KCNIP1: variants seen among roughly 807,000 people sequenced by gnomAD.
KCNIP1 encodes potassium voltage-gated channel interacting protein 1, also known as A-type potassium channel modulatory protein KCNIP1.
A neutral mutation model predicts 33.0 loss-of-function variants in KCNIP1; 18 were observed. The observed-to-expected ratio is 0.55, with a 90% confidence interval of 0.38 to 0.81. KCNIP1 has a LOEUF of 0.81. Among genes scored for constraint, KCNIP1 ranks in the 30% least tolerant of loss-of-function variants. The pLI is 0.00. For missense variants in KCNIP1, 238 were observed against 271.6 expected (o/e 0.88, Z 0.87); for synonymous variants, 93 against 98.3 (o/e 0.95, Z 0.32).
intron 1 of KCNIP1, among the ~76,000 whole-genome samples, chr5:170,615,978 G>A (rs1581401326): frequency 6.6e-6 from 1 of 152,168 alleles, no homozygotes; most frequent in East Asian, 1.9e-4. Flanking sequence ...CTTGGAAGAG[G>A]CAGGACTGAG....
At chr5:170,445,191 T>C (rs945209162) in intron 1 of KCNIP1, among the ~76,000 whole-genome samples, 2 of 152,128 alleles carry the variant, frequency 1.3e-5, no homozygotes, top group African/African-American at 4.8e-5. Flanking sequence ...GGTTTTATAA[T>C]CACATGAGCA....
chr5:170,525,289 C>G (rs1349276513), intron 1 of KCNIP1, among the ~76,000 whole-genome samples: 1 of 152,216 alleles, frequency 6.6e-6, no homozygotes, highest in South Asian at 2.1e-4. Flanking sequence ...CTTAGTAGCC[C>G]TTGGTGACTT....
chr5:170,576,723 C>T (rs907545270), intron 1 of KCNIP1, among the ~76,000 whole-genome samples: 35 of 152,132 alleles, frequency 2.3e-4, no homozygotes, highest in African/African-American at 8.2e-4. Flanking sequence ...TAAAAATTAA[C>T]CTGGTACCTG....
chr5:170,607,121 C>T (rs1581391166), intron 1 of KCNIP1, among the ~76,000 whole-genome samples: 1 of 152,182 alleles, frequency 6.6e-6, no homozygotes, highest in African/African-American at 2.4e-5. Flanking sequence ...AGGACGGCTC[C>T]GTCTGTCGCG....
Position 170,449,176 on chromosome 5 carries a change from G to A in KCNIP1, c.88+95212G>A, listed in dbSNP as rs79397833. Among the ~76,000 whole-genome samples the A allele has an allele frequency of 6.2e-3, 939 of 152,262 alleles. 13 individuals are homozygous for A. The highest frequency in any genetic ancestry group is 0.021 in the African/African-American group (863 of 41,544). ...TGGTTCATTCATTCATTCTCCATTT[G>A]TTCATTCATACACATTTATTACACT... On this transcript the variant is annotated intron_variant, in intron 1 of 7. Transcript: ENST00000377360.
At chr5:170,449,332 T>G (rs1388540880) in intron 1 of KCNIP1, among the ~76,000 whole-genome samples, 1 of 152,230 alleles carries the variant, frequency 6.6e-6, no homozygotes, top group African/African-American at 2.4e-5. Context: ...TCCTGAAAAG[T>G]AGCCCTCAAC....
intron 1 of KCNIP1, among the ~76,000 whole-genome samples, chr5:170,593,380 C>T (rs557048579): frequency 3.3e-5 from 5 of 152,190 alleles, no homozygotes; most frequent in Non-Finnish European, 7.3e-5. Context: ...AAGAACCTAC[C>T]ATTGGCTTTC....
At chr5:170,730,795 G>T (rs1051621041) in intron 5 of KCNIP1, among the ~76,000 whole-genome samples, 2 of 151,592 alleles carry the variant, frequency 1.3e-5, no homozygotes, top group African/African-American at 4.8e-5. Flanking sequence ...GAAAATACAA[G>T]ATGAGCCTGG....
chr5:170,563,764 C>CCGGGTTCAAGCGATTCTCCCGCCT, intron 1 of KCNIP1, among the ~76,000 whole-genome samples: 1 of 152,294 alleles, frequency 6.6e-6, no homozygotes, highest in Admixed American at 6.5e-5. Flanking sequence ...CCTCAGCCTC[C>CCGGGTTCAAGCGATTCTCCCGCCT]CAAGTAGCTT....
chr5:170,561,984 C>T (rs1251465506), intron 1 of KCNIP1, among the ~76,000 whole-genome samples: 1 of 152,196 alleles, frequency 6.6e-6, no homozygotes, highest in African/African-American at 2.4e-5. Flanking sequence ...AGTCCAGATG[C>T]TCCTTAACAT....
At chr5:170,358,405 C>G (rs1763405807) in intron 1 of KCNIP1, among the ~76,000 whole-genome samples, 1 of 152,130 alleles carries the variant, frequency 6.6e-6, no homozygotes, top group Non-Finnish European at 1.5e-5. Flanking sequence ...ATCAGTGACA[C>G]ACTGTTCCTC....
At chr5:170,683,613 C>G (rs1033120281) in intron 1 of KCNIP1, among the ~76,000 whole-genome samples, 2 of 152,198 alleles carry the variant, frequency 1.3e-5, no homozygotes, top group Non-Finnish European at 2.9e-5. Flanking sequence ...CTAGTAGATA[C>G]ACCAGGACCA....
intron 1 of KCNIP1, among the ~76,000 whole-genome samples, chr5:170,669,280 CA>C (rs1433418055): frequency 1.3e-5 from 2 of 152,188 alleles, no homozygotes; most frequent in Admixed American, 1.3e-4. Flanking sequence ...GGCAAGTTTT[CA>C]AATCTCTCTG....
rs774433371 is a variant in KCNIP1, at chr5:170,720,353, A to C, written c.219A>C (p.Thr73=). 3 of 1,614,008 alleles carry C rather than the reference A, an allele frequency of 1.9e-6. No homozygotes were observed. Among genetic ancestry groups the C allele is most frequent in the Non-Finnish European group, 2.5e-6 (3 of 1,180,000 alleles). ...ECPSGVVNED[T]FKQIYAQFFP... is the part of the protein sequence containing the mutation. ...CCAGTGGTGTGGTCAACGAAGACACATTCAAGCAGATCTATGCTCAGTTTT... is the reference window on the plus strand; with the variant it reads ...CCAGTGGTGTGGTCAACGAAGACACCTTCAAGCAGATCTATGCTCAGTTTT... Residue 73 remains threonine, a synonymous_variant, in exon 3 of 8, where the codon ACA becomes ACC. Transcript: ENST00000328939.
chr5:170,481,820 C>G (rs75117070), intron 1 of KCNIP1, among the ~76,000 whole-genome samples: 7,006 of 152,210 alleles, frequency 0.046, 297 homozygotes, highest in Admixed American at 0.096. Flanking sequence ...AGCAATCGCT[C>G]TTTATAGTTT....
chr5:170,473,151 T>C (rs1461872451), intron 1 of KCNIP1, among the ~76,000 whole-genome samples: 1 of 152,238 alleles, frequency 6.6e-6, no homozygotes, highest in African/African-American at 2.4e-5. Context: ...TGTCGCATTG[T>C]GGTTTTGATT....
chr5:170,394,533 TGAA>T (rs1408716637), intron 1 of KCNIP1, among the ~76,000 whole-genome samples: 2 of 152,230 alleles, frequency 1.3e-5, no homozygotes, highest in African/African-American at 4.8e-5. Context: ...TCCCATGCCA[TGAA>T]ACATTTTTCT....
chr5:170,527,018 C>A (rs1189286743), intron 1 of KCNIP1, among the ~76,000 whole-genome samples: 6 of 152,166 alleles, frequency 3.9e-5, no homozygotes, highest in Non-Finnish European at 8.8e-5. Context: ...CCACCGCACC[C>A]GGCCTGATTA....
chr5:170,440,454 G>GTAA (rs1405446347), intron 1 of KCNIP1, among the ~76,000 whole-genome samples: 17 of 152,194 alleles, frequency 1.1e-4, no homozygotes, highest in Non-Finnish European at 2.5e-4. Context: ...GCCTCCCCAA[G>GTAA]GCCACACAAC....
Sources: gnomAD v4.1 joint callset for allele counts (sites outside exome capture counted in the v4.1 genomes callset) on GRCh38, gnomAD v4.1.1 for gene constraint, MANE v1.5 for transcripts, NCBI Gene and HGNC (gene_info 2026-07-23, HGNC 2026-07-21) for gene names.